PCDH15: variants seen among roughly 807,000 people sequenced by gnomAD.
PCDH15 encodes protocadherin-15.
PCDH15 carries 129 observed loss-of-function variants against 178.5 expected under a neutral mutation model. That is an observed-to-expected ratio of 0.72 (90% CI 0.63 to 0.84). The LOEUF (loss-of-function observed/expected upper bound fraction) is 0.84. PCDH15 is among the 40% of genes least tolerant of loss of function. The pLI is 0.00. For missense variants in PCDH15, 2,230 were observed against 2,099.9 expected, an observed-to-expected ratio of 1.06 and a Z score of -1.21; for synonymous variants, 800 against 732.0, an observed-to-expected ratio of 1.09 and a Z score of -1.50.
intron 25 of PCDH15, among the ~76,000 whole-genome samples, chr10:53,905,842 A>T (rs1268280317): frequency 6.6e-6 from 1 of 151,994 alleles, no homozygotes; most frequent in Non-Finnish European, 1.5e-5. Context: ...ATGGGGAGAG[A>T]TGATTATACT....
chr10:55,385,349 C>T (rs1422145353), intron 2 of PCDH15, among the ~76,000 whole-genome samples: 1 of 151,984 alleles, frequency 6.6e-6, no homozygotes, highest in Non-Finnish European at 1.5e-5. Context: ...TGATTCCTCT[C>T]TTTTAGTTCA....
At chr10:54,529,328 C>G (rs2083680404) in intron 2 of PCDH15, among the ~76,000 whole-genome samples, 1 of 152,062 alleles carries the variant, frequency 6.6e-6, no homozygotes, top group Non-Finnish European at 1.5e-5. Flanking sequence ...GAGCCCAGCA[C>G]TACACTATTT....
intron 3 of PCDH15, among the ~76,000 whole-genome samples, chr10:54,483,765 G>A (rs569415806): frequency 0.01 from 1,582 of 151,788 alleles, 23 homozygotes; most frequent in African/African-American, 0.036. Context: ...ATGTAGAGAA[G>A]AGTATATTCA....
chr10:55,081,841 C>CTA (rs1315770797), intron 2 of PCDH15, among the ~76,000 whole-genome samples: 1 of 152,032 alleles, frequency 6.6e-6, no homozygotes, highest in Non-Finnish European at 1.5e-5. Context: ...AAGAAGGTCA[C>CTA]TATATAATAA....
chr10:54,304,599 G>C (rs531245031), intron 8 of PCDH15, among the ~76,000 whole-genome samples: 1 of 152,028 alleles, frequency 6.6e-6, no homozygotes, highest in South Asian at 2.1e-4. Context: ...AGCCATACAC[G>C]GGCATTGAGA....
intron 2 of PCDH15, among the ~76,000 whole-genome samples, chr10:55,414,132 AT>A (rs1838416739): frequency 6.6e-6 from 1 of 151,680 alleles, no homozygotes; most frequent in Non-Finnish European, 1.5e-5. Context: ...TTTTAAAATC[AT>A]AAAATTTTTT....
intron 2 of PCDH15, among the ~76,000 whole-genome samples, chr10:54,974,280 A>T (rs1465138553): frequency 6.6e-6 from 1 of 151,870 alleles, no homozygotes; most frequent in Admixed American, 6.6e-5. Context: ...CACTAAGAAA[A>T]CTCCTTTTAC....
intron 8 of PCDH15, among the ~76,000 whole-genome samples, chr10:54,284,187 A>G (rs556903069): frequency 8.3e-4 from 127 of 152,310 alleles, no homozygotes; most frequent in African/African-American, 2.9e-3. Flanking sequence ...AGAATTAACC[A>G]AAAAATAAAA....
chr10:54,668,529 A>G (rs529832476), intron 1 of PCDH15, among the ~76,000 whole-genome samples: 1 of 152,246 alleles, frequency 6.6e-6, no homozygotes, highest in Admixed American at 6.6e-5. Context: ...ATCTCTTGGA[A>G]GGAGAATAAA....
At chr10:54,958,014 C>A (rs922436023) in intron 2 of PCDH15, among the ~76,000 whole-genome samples, 1 of 151,622 alleles carries the variant, frequency 6.6e-6, no homozygotes, top group Non-Finnish European at 1.5e-5. Flanking sequence ...AATTAGAGAC[C>A]AAAGGAATCT....
At chr10:54,234,794 A>G (rs2054457998) in intron 9 of PCDH15, among the ~76,000 whole-genome samples, 1 of 152,188 alleles carries the variant, frequency 6.6e-6, no homozygotes, top group Non-Finnish European at 1.5e-5. Flanking sequence ...ATTGTTTGGG[A>G]CAATCCACTA....
intron 2 of PCDH15, among the ~76,000 whole-genome samples, chr10:55,148,374 T>C (rs1214728421): frequency 1.3e-5 from 2 of 151,892 alleles, no homozygotes; most frequent in Non-Finnish European, 2.9e-5. Context: ...ATAAATCAAG[T>C]AGAGATTAAA....
intron 2 of PCDH15, among the ~76,000 whole-genome samples, chr10:54,585,169 GC>G (rs1047462701): frequency 5.9e-4 from 39 of 66,298 alleles, no homozygotes; most frequent in African/African-American, 1.8e-3. Context: ...GAAGTTGGCT[GC>G]CCTAAAGGTT....
intron 21 of PCDH15, among the ~76,000 whole-genome samples, chr10:53,993,460 C>T (rs2134858562): frequency 6.6e-6 from 1 of 152,236 alleles, no homozygotes; most frequent in South Asian, 2.1e-4. Flanking sequence ...AATAAACCTA[C>T]AGTGTTAAGA....
chr10:54,636,623 G>C (rs2093859992), intron 2 of PCDH15, among the ~76,000 whole-genome samples: 1 of 151,876 alleles, frequency 6.6e-6, no homozygotes. Flanking sequence ...TTAGGTCTCT[G>C]AAATGTACAA....
intron 15 of PCDH15, among the ~76,000 whole-genome samples, chr10:54,119,379 A>T (rs1375964834): frequency 6.6e-6 from 1 of 152,170 alleles, no homozygotes; most frequent in African/African-American, 2.4e-5. Flanking sequence ...GACTGGATCT[A>T]TCAGATAAAA....
intron 27 of PCDH15, among the ~76,000 whole-genome samples, chr10:53,865,403 CA>C (rs1191245428): frequency 6.6e-6 from 1 of 151,926 alleles, no homozygotes; most frequent in Non-Finnish European, 1.5e-5. Context: ...CTGGTAGGAA[CA>C]AAAGAATGAT....
intron 26 of PCDH15, among the ~76,000 whole-genome samples, chr10:53,888,491 C>A (rs2133439383): frequency 7.2e-6 from 1 of 139,222 alleles, no homozygotes; most frequent in South Asian, 2.3e-4. Flanking sequence ...TAGATAATAT[C>A]AAACTTTTTC....
chr10:54,233,893 A>C (rs2054334422), intron 9 of PCDH15, among the ~76,000 whole-genome samples: 1 of 152,186 alleles, frequency 6.6e-6, no homozygotes, highest in African/African-American at 2.4e-5. Flanking sequence ...ATGACAGTAG[A>C]ACCATTGAAG....
Sources: gnomAD v4.1 joint callset for allele counts (sites outside exome capture counted in the v4.1 genomes callset) on GRCh38, gnomAD v4.1.1 for gene constraint, MANE v1.5 for transcripts, NCBI Gene and HGNC (gene_info 2026-07-23, HGNC 2026-07-21) for gene names.